SHISA9: variants seen among roughly 807,000 people sequenced by gnomAD.
SHISA9 encodes the protein shisa family member 9.
SHISA9 carries 13 observed loss-of-function variants against 38.0 expected under a neutral mutation model. That is an observed-to-expected ratio of 0.34 (90% CI 0.22 to 0.54). The LOEUF (loss-of-function observed/expected upper bound fraction) is 0.54. Among genes scored for constraint, SHISA9 ranks in the 20% least tolerant of loss-of-function variants. SHISA9 has a pLI of 0.91. For synonymous variants in SHISA9, 275 were observed against 242.0 expected (o/e 1.14, Z -1.27); for missense variants, 538 against 575.8 (o/e 0.93, Z 0.67).
chr16:13,472,145 A>G, the SHISA9 span, among the ~76,000 whole-genome samples: 2 of 152,182 alleles, frequency 1.3e-5, no homozygotes, highest in Non-Finnish European at 2.9e-5. Context: ...TCTGGAAAAC[A>G]TATACTTGCT....
chr16:13,284,396 TC>T, the SHISA9 span, among the ~76,000 whole-genome samples: 1 of 152,190 alleles, frequency 6.6e-6, no homozygotes, highest in African/African-American at 2.4e-5. Flanking sequence ...ATTAACATTT[TC>T]TTTTAGTATC....
At chr16:13,535,074 CCT>C in the SHISA9 span, among the ~76,000 whole-genome samples, 34 of 151,996 alleles carry the variant, frequency 2.2e-4, no homozygotes, top group African/African-American at 8.0e-4. Context: ...GTAAAACCCC[CCT>C]CTCTACTGAA....
the SHISA9 span, among the ~76,000 whole-genome samples, chr16:13,391,982 G>A: frequency 2.0e-5 from 3 of 152,108 alleles, no homozygotes; most frequent in Non-Finnish European, 2.9e-5. Flanking sequence ...TGATGGTCCC[G>A]GTTTGCTGGT....
the SHISA9 span, among the ~76,000 whole-genome samples, chr16:13,428,134 C>A: frequency 2.6e-5 from 4 of 152,160 alleles, no homozygotes; most frequent in Non-Finnish European, 4.4e-5. Context: ...AAGATGCAAA[C>A]TGTGTGGTCA....
At chr16:13,002,328 C>T (rs563692034) in intron 2 of SHISA9, among the ~76,000 whole-genome samples, 203 of 152,248 alleles carry the variant, frequency 1.3e-3, no homozygotes, top group Non-Finnish European at 2.3e-3. Context: ...ATGTGCCAGG[C>T]ATGGTAATAA....
rs1161832856 is a variant in SHISA9 at position 13,173,799 on chromosome 16, T to C, written c.692-29595T>C. On this transcript the variant is annotated intron_variant, in intron 2 of 4. Transcript: ENST00000558583. ...GGCAATTACAACAGAGTCAGGTCAATGTATTCTAAGCCAGAGGAAGTTCAC... is the reference window on the plus strand; with the variant it reads ...GGCAATTACAACAGAGTCAGGTCAACGTATTCTAAGCCAGAGGAAGTTCAC... Among the ~76,000 whole-genome samples, 4 of 152,108 alleles carry C rather than the reference T, an allele frequency of 2.6e-5. No homozygotes were observed. The South Asian group carries it at 6.2e-4, about 24-fold the overall frequency.
intron 2 of SHISA9, among the ~76,000 whole-genome samples, chr16:13,059,940 G>A (rs983670810): frequency 1.3e-5 from 2 of 152,144 alleles, no homozygotes; most frequent in African/African-American, 2.4e-5. Flanking sequence ...CTCCAGAACC[G>A]TGAGACAATA....
intron 2 of SHISA9, among the ~76,000 whole-genome samples, chr16:13,098,275 A>C (rs2073846373): frequency 6.6e-6 from 1 of 152,176 alleles, no homozygotes; most frequent in Non-Finnish European, 1.5e-5. Flanking sequence ...GAGCAAAAAT[A>C]CACTCCCTGC....
At chr16:13,324,717 G>T in the SHISA9 span, among the ~76,000 whole-genome samples, 1 of 152,148 alleles carries the variant, frequency 6.6e-6, no homozygotes, top group Non-Finnish European at 1.5e-5. Context: ...ATGTTGTCAA[G>T]ATTAAGGACC....
At chr16:13,052,232 C>A (rs2141900226) in intron 2 of SHISA9, among the ~76,000 whole-genome samples, 2 of 152,292 alleles carry the variant, frequency 1.3e-5, no homozygotes, top group South Asian at 4.1e-4. Flanking sequence ...AGAATCCAGT[C>A]TCTGAAGGGC....
chr16:13,235,564 C>T lies in SHISA9; in HGVS notation c.*155C>T, dbSNP rs759203048. On this transcript the variant is annotated 3_prime_UTR_variant, in exon 5 of 5. Transcript: ENST00000558583. ...TAAACCTACTGGGGACACAGAGTCG[C>T]GCTTTTCCTAGGTCATGCCTGTAAC... 212 of 1,002,682 alleles carry T rather than the reference C, an allele frequency of 2.1e-4. No individual in the cohort carries two copies. Among genetic ancestry groups the T allele is most frequent in the Admixed American group, 2.9e-4 (10 of 33,920 alleles). 62.1% of individuals were successfully genotyped at this position (1,002,682 alleles called of 1,614,324 possible). A position where few individuals can be genotyped will look rare whatever the true frequency, so the allele number is the denominator to read the frequency against.
intron 2 of SHISA9, among the ~76,000 whole-genome samples, chr16:13,016,891 A>C (rs34357009): frequency 0.078 from 11,945 of 152,248 alleles, 626 homozygotes; most frequent in East Asian, 0.27. Context: ...CCTTGTGAGC[A>C]TTCCACGATA....
At chr16:12,974,666 T>G (rs984573350) in intron 2 of SHISA9, among the ~76,000 whole-genome samples, 5 of 151,760 alleles carry the variant, frequency 3.3e-5, no homozygotes, top group Admixed American at 3.3e-4. Context: ...TTATTATTAG[T>G]AGAGCGGGGT....
At chr16:13,373,150 C>G in the SHISA9 span, among the ~76,000 whole-genome samples, 6 of 152,110 alleles carry the variant, frequency 3.9e-5, no homozygotes, top group Non-Finnish European at 8.8e-5. Flanking sequence ...TTATTAGTTG[C>G]TCCCCTGACT....
the SHISA9 span, among the ~76,000 whole-genome samples, chr16:13,465,356 G>A: frequency 1.1e-4 from 16 of 152,152 alleles, no homozygotes; most frequent in Non-Finnish European, 1.5e-5. Context: ...GTTGAACGTG[G>A]GGCAGGTTCA....
intron 2 of SHISA9, among the ~76,000 whole-genome samples, chr16:13,052,837 T>C (rs2073267468): frequency 1.3e-5 from 2 of 152,194 alleles, no homozygotes; most frequent in South Asian, 4.1e-4. Flanking sequence ...GCTTTCACTA[T>C]GGGTGTGGTT....
chr16:13,228,198 A>C (rs2142082109), intron 4 of SHISA9, among the ~76,000 whole-genome samples: 1 of 151,934 alleles, frequency 6.6e-6, no homozygotes, highest in South Asian at 2.1e-4. Context: ...TTTCTTTTTC[A>C]CTCCACTCTT....
chr16:13,396,765 CT>C, the SHISA9 span, among the ~76,000 whole-genome samples: 1 of 152,300 alleles, frequency 6.6e-6, no homozygotes, highest in Non-Finnish European at 1.5e-5. Flanking sequence ...TTCTTCACTT[CT>C]TGATGTAAAC....
chr16:13,551,684 A>G, the SHISA9 span, among the ~76,000 whole-genome samples: 2 of 152,178 alleles, frequency 1.3e-5, no homozygotes, highest in Non-Finnish European at 2.9e-5. Context: ...GCACAAACAT[A>G]GACACAAAGG....
Sources: allele counts gnomAD v4.1 joint callset (sites outside exome capture counted in the v4.1 genomes callset), GRCh38; gene constraint gnomAD v4.1.1; transcripts MANE v1.5; gene names NCBI Gene and HGNC (gene_info 2026-07-23, HGNC 2026-07-21).